SKAP2: variants seen among roughly 807,000 people sequenced by gnomAD.
SKAP2 encodes the protein src kinase-associated phosphoprotein 2.
Under a neutral mutation model 54.9 loss-of-function variants are expected in SKAP2, and 28 were observed. The ratio of observed to expected loss-of-function variants is 0.51; its 90% CI spans 0.38 to 0.70. The LOEUF is 0.70. Ranked by LOEUF, SKAP2 falls within the 30% of genes least tolerant of loss-of-function variation. SKAP2 has a pLI of 0.00. For missense variants in SKAP2, 356 were observed against 424.1 expected, an observed-to-expected ratio of 0.84 and a Z score of 1.41; for synonymous variants, 137 against 134.3, an observed-to-expected ratio of 1.02 and a Z score of -0.14.
intron 4 of SKAP2, among the ~76,000 whole-genome samples, chr7:26,758,853 T>C (rs2127969897): frequency 6.6e-6 from 1 of 152,352 alleles, no homozygotes; most frequent in Admixed American, 6.5e-5. Context: ...AATCTCCATG[T>C]GCTTACAGAA....
At chr7:26,673,610 A>G (rs573220562) in intron 11 of SKAP2, among the ~76,000 whole-genome samples, 2 of 152,222 alleles carry the variant, frequency 1.3e-5, no homozygotes, top group African/African-American at 4.8e-5. Context: ...AATATCTGCA[A>G]AATGGATGGC....
At chr7:26,802,278 T>TG (rs1562616420) in intron 4 of SKAP2, among the ~76,000 whole-genome samples, 25 of 34,106 alleles carry the variant, frequency 7.3e-4, no homozygotes, top group Non-Finnish European at 2.0e-3. Context: ...TTTTTTTTGG[T>TG]TTTTTTTTTT....
intron 4 of SKAP2, among the ~76,000 whole-genome samples, chr7:26,773,431 A>G (rs1783232096): frequency 6.6e-6 from 1 of 152,224 alleles, no homozygotes; most frequent in Non-Finnish European, 1.5e-5. Context: ...TCTCAGTTAC[A>G]TTCATTCTGC....
intron 4 of SKAP2, among the ~76,000 whole-genome samples, chr7:26,792,433 A>G (rs1240694517): frequency 2.0e-5 from 3 of 152,196 alleles, no homozygotes; most frequent in African/African-American, 7.2e-5. Context: ...ATTTCTATAT[A>G]TCTCACATAC....
chr7:26,662,260 T>A (rs1023467517), downstream of SKAP2, among the ~76,000 whole-genome samples: 4 of 152,166 alleles, frequency 2.6e-5, no homozygotes, highest in Admixed American at 6.5e-5. Flanking sequence ...TACAAGCATT[T>A]TGGAATTTTT....
At chr7:26,709,306 T>C (rs1281015029) in intron 9 of SKAP2, among the ~76,000 whole-genome samples, 2 of 152,076 alleles carry the variant, frequency 1.3e-5, no homozygotes, top group Non-Finnish European at 1.5e-5. Context: ...CAATGTGAAA[T>C]TGGGAGCAGG....
chr7:26,720,167 G>A (rs989198545), intron 9 of SKAP2, among the ~76,000 whole-genome samples: 3 of 152,054 alleles, frequency 2.0e-5, no homozygotes, highest in African/African-American at 4.8e-5. Flanking sequence ...TTCCCTGGCT[G>A]GGAACCACTG....
rs548137876 is a variant in SKAP2, at chr7:26,823,032, G to T, written c.307+20998C>A. On this transcript the variant is annotated intron_variant, in intron 4 of 12. Coordinates refer to ENST00000345317, the MANE Select transcript of SKAP2 (RefSeq NM_003930.5). ...GTAGAAAGTCGAGATAGGCCAAAAG[G>T]AAGGCCTCTTGTGCCAAACAGCCAA... Among the ~76,000 whole-genome samples the T allele has an allele frequency of 8.5e-5, 13 of 152,304 alleles. No homozygotes were observed. In the East Asian group the frequency reaches 1.5e-3, roughly 18 times the overall value.
intron 4 of SKAP2, among the ~76,000 whole-genome samples, chr7:26,812,597 G>A (rs1218298975): frequency 2.0e-5 from 3 of 151,928 alleles, no homozygotes; most frequent in African/African-American, 4.8e-5. Context: ...GAATTACGTC[G>A]ACAAAATATG....
intron 4 of SKAP2, among the ~76,000 whole-genome samples, chr7:26,819,570 T>TA (rs758990728): frequency 2.3e-3 from 204 of 89,592 alleles, no homozygotes; most frequent in East Asian, 0.012. Flanking sequence ...AAAGTATACT[T>TA]AAAAAAAAAA....
chr7:26,683,756 G>C (rs1407187922), intron 11 of SKAP2, among the ~76,000 whole-genome samples: 2 of 152,072 alleles, frequency 1.3e-5, no homozygotes, highest in South Asian at 2.1e-4. Context: ...TTATGCACCA[G>C]CCATCTACTG....
intron 3 of SKAP2, among the ~76,000 whole-genome samples, chr7:26,851,571 TGG>T (rs1785044052): frequency 6.6e-6 from 1 of 150,640 alleles, no homozygotes; most frequent in African/African-American, 2.4e-5. Flanking sequence ...TGTTGAGGGG[TGG>T]TGGGGGTGGG....
chr7:26,845,201 C>T (rs1784897827), intron 3 of SKAP2, among the ~76,000 whole-genome samples: 1 of 152,118 alleles, frequency 6.6e-6, no homozygotes, highest in Non-Finnish European at 1.5e-5. Flanking sequence ...ACCACAGTTC[C>T]TGGCAGATTC....
chr7:26,691,731 C>T (rs1047904434), intron 9 of SKAP2, among the ~76,000 whole-genome samples: 3 of 152,126 alleles, frequency 2.0e-5, no homozygotes, highest in Non-Finnish European at 4.4e-5. Flanking sequence ...ACCACGGAGG[C>T]TCCAAGGGAT....
At chr7:26,843,214 G>C (rs1784854408) in intron 4 of SKAP2, among the ~76,000 whole-genome samples, 1 of 152,024 alleles carries the variant, frequency 6.6e-6, no homozygotes, top group Admixed American at 6.6e-5. Context: ...TGCACAGTTT[G>C]ATCATCACAT....
chr7:26,655,001 GTGGTAAAGCATGTGGCAGTCAGT>G, the SKAP2 span, among the ~76,000 whole-genome samples: 1 of 152,202 alleles, frequency 6.6e-6, no homozygotes, highest in Non-Finnish European at 1.5e-5. Context: ...TAGAGCTGCT[GTGGTAAAGCATGTGGCAGTCAGT>G]TACAAGTGAT....
At chr7:26,831,599 T>C (rs1330479676) in intron 4 of SKAP2, among the ~76,000 whole-genome samples, 1 of 152,162 alleles carries the variant, frequency 6.6e-6, no homozygotes, top group Non-Finnish European at 1.5e-5. Flanking sequence ...GGTCAGGAAG[T>C]ATTCTAAACT....
At chr7:26,733,863 C>T (rs888377761) in intron 6 of SKAP2, among the ~76,000 whole-genome samples, 3 of 152,114 alleles carry the variant, frequency 2.0e-5, no homozygotes, top group African/African-American at 7.2e-5. Flanking sequence ...ATTTACTAGA[C>T]GGTGCTAGTG....
At chr7:26,827,099 A>G (rs1287621534) in intron 4 of SKAP2, among the ~76,000 whole-genome samples, 1 of 152,156 alleles carries the variant, frequency 6.6e-6, no homozygotes, top group Non-Finnish European at 1.5e-5. Context: ...TTGATATTAA[A>G]ATATAATTCT....
Sources: allele counts gnomAD v4.1 joint callset (sites outside exome capture counted in the v4.1 genomes callset), GRCh38; gene constraint gnomAD v4.1.1; transcripts MANE v1.5; gene names NCBI Gene and HGNC (gene_info 2026-07-23, HGNC 2026-07-21).